CUX2: variants seen among roughly 807,000 people sequenced by gnomAD.
The protein encoded by CUX2 is homeobox protein cut-like 2.
In CUX2, 40 loss-of-function variants were observed where a neutral mutation model predicts 144.8. The observed-to-expected ratio is 0.28, with a 90% CI of 0.21 to 0.36. The LOEUF is 0.36. Among genes scored for constraint, CUX2 ranks in the 10% least tolerant of loss-of-function variants. The probability of loss-of-function intolerance (pLI) is 1.00; values close to 1 mark genes in which losing one functional copy is unlikely to be tolerated. For missense variants in CUX2, 1,615 were observed against 1,994.0 expected (o/e 0.81, Z 3.62); for synonymous variants, 827 against 875.6 (o/e 0.94, Z 0.98).
rs1878979442 is a variant in CUX2, at chr12:111,178,419, C to T, written c.64-35781C>T. On this transcript the variant is annotated intron_variant, in intron 1 of 21. Transcript: ENST00000261726. This position sits in a 1 kb window ranked among gnomAD's most constrained non-coding sequence, Gnocchi z 5.7. Reference sequence around the variant, plus strand: ...TTGCTGTCACGTTGACAAGTCCAGCCCTCTGACTGGGTTCATCCTTGTTCC... The same window carrying T: ...TTGCTGTCACGTTGACAAGTCCAGCTCTCTGACTGGGTTCATCCTTGTTCC... Among the ~76,000 whole-genome samples the T allele has an allele frequency of 6.6e-6, 1 of 152,186 alleles. No individual in the cohort carries two copies. Among genetic ancestry groups the T allele is most frequent in the African/African-American group, 2.4e-5 (1 of 41,436 alleles).
intron 1 of CUX2, among the ~76,000 whole-genome samples, chr12:111,088,395 C>T (rs545110803): frequency 6.6e-6 from 1 of 152,088 alleles, no homozygotes; most frequent in South Asian, 2.1e-4. Flanking sequence ...CGCCCAGCCT[C>T]TCTGTATTCT....
chr12:111,099,424 T>A (rs1873059249), intron 1 of CUX2: 3 of 398,502 alleles, frequency 7.5e-6, no homozygotes, highest in South Asian at 5.5e-5. Context: ...TGGTTTCTCT[T>A]CTTCCTTCAT....
intron 3 of CUX2, among the ~76,000 whole-genome samples, chr12:111,251,515 C>T (rs1371827813): frequency 6.6e-6 from 1 of 152,164 alleles, no homozygotes; most frequent in East Asian, 1.9e-4. Flanking sequence ...TGGGACATTT[C>T]ATTTTTGCAC....
At chr12:111,292,374 A>C (rs903426998) in intron 5 of CUX2, among the ~76,000 whole-genome samples, 36 of 151,622 alleles carry the variant, frequency 2.4e-4, no homozygotes, top group African/African-American at 8.7e-4. Context: ...GGTGGATCAC[A>C]AGGTCAGGAG....
At chr12:111,195,777 G>A (rs2136200951) in intron 1 of CUX2, among the ~76,000 whole-genome samples, 1 of 152,312 alleles carries the variant, frequency 6.6e-6, no homozygotes, top group Admixed American at 6.5e-5. Context: ...CTCAAAGCCA[G>A]CACAAGCCTT....
intron 1 of CUX2, among the ~76,000 whole-genome samples, chr12:111,176,887 C>T (rs527740853): frequency 4.6e-5 from 7 of 152,326 alleles, no homozygotes; most frequent in South Asian, 4.1e-4. Flanking sequence ...TTCTCAACCT[C>T]GCACATGAAG....
At chr12:111,094,756 C>T (rs1376596592) in intron 1 of CUX2, among the ~76,000 whole-genome samples, 1 of 152,182 alleles carries the variant, frequency 6.6e-6, no homozygotes, top group Non-Finnish European at 1.5e-5. Flanking sequence ...TCTCAGCCTC[C>T]CAAACTGCTG....
rs916537740 is a variant in CUX2, at chr12:111,307,912, G to A, written c.1110-373G>A. 1.4e-4 allele frequency among the ~76,000 whole-genome samples: 22 copies of A among 151,848 alleles called. No homozygotes were observed. Among genetic ancestry groups the A allele is most frequent in the African/African-American group, 4.8e-4 (20 of 41,326 alleles). ...GCAGGAGAATCGCTTGAACCTGGGA[G>A]GCAGAGATCGTGCCACTGCACTCCA... On this transcript the variant is annotated intron_variant, in intron 12 of 21. Coordinates refer to ENST00000261726, the MANE Select transcript of CUX2 (RefSeq NM_015267.4). The surrounding 1 kb of genome is among the most constrained non-coding windows in gnomAD (Gnocchi z 4.1).
chr12:111,245,151 AT>A (rs1041027353), intron 3 of CUX2, among the ~76,000 whole-genome samples: 1 of 152,088 alleles, frequency 6.6e-6, no homozygotes, highest in African/African-American at 2.4e-5. Flanking sequence ...TGTTCTTGGT[AT>A]TTTTTTCCCT....
intron 1 of CUX2, among the ~76,000 whole-genome samples, chr12:111,116,989 T>C (rs532462272): frequency 6.6e-6 from 1 of 152,324 alleles, no homozygotes; most frequent in Non-Finnish European, 1.5e-5. Context: ...ATGTAAATCA[T>C]TAGACAGCTA....
chr12:111,145,801 G>A (rs1477549839), intron 1 of CUX2, among the ~76,000 whole-genome samples: 1 of 152,096 alleles, frequency 6.6e-6, no homozygotes, highest in Non-Finnish European at 1.5e-5. Flanking sequence ...CGAGTAGCTG[G>A]GATTACAGCC....
intron 1 of CUX2, among the ~76,000 whole-genome samples, chr12:111,103,613 C>T (rs1017522428): frequency 3.9e-5 from 6 of 152,216 alleles, no homozygotes; most frequent in Admixed American, 1.3e-4. Context: ...CTCAAATAGA[C>T]TTTTCAGGGA....
intron 1 of CUX2, among the ~76,000 whole-genome samples, chr12:111,168,247 T>C (rs1878282124): frequency 6.6e-6 from 1 of 152,258 alleles, no homozygotes; most frequent in Admixed American, 6.5e-5. Flanking sequence ...TGTTCACACA[T>C]CCTTGATGAA....
At position 111,293,967 on chromosome 12, in the gene CUX2, G is replaced by A. The variant is rs1038105258; in HGVS notation, c.560+398G>A. On this transcript the variant is annotated intron_variant, in intron 6 of 21. Coordinates refer to ENST00000261726, the MANE Select transcript of CUX2 (RefSeq NM_015267.4). This position sits in a 1 kb window ranked among gnomAD's most constrained non-coding sequence, Gnocchi z 4.5. ...AATTGGTAGAGCAGGAGTTGGTGCTGCAATCTTTTTAAATTTTATTTTACA... is the reference window on the plus strand; with the variant it reads ...AATTGGTAGAGCAGGAGTTGGTGCTACAATCTTTTTAAATTTTATTTTACA... 6.6e-6 allele frequency among the ~76,000 whole-genome samples: 1 copy of A among 152,244 alleles called. No homozygotes were observed. The highest frequency in any genetic ancestry group is 2.4e-5 in the African/African-American group (1 of 41,450).
chr12:111,323,827 C>T (rs1053155589), intron 18 of CUX2, among the ~76,000 whole-genome samples: 5 of 152,138 alleles, frequency 3.3e-5, no homozygotes, highest in African/African-American at 1.2e-4. Flanking sequence ...GAGGTGAAGG[C>T]AGGAGGATCT....
intron 1 of CUX2, among the ~76,000 whole-genome samples, chr12:111,079,887 C>T (rs1475156382): frequency 1.3e-5 from 2 of 152,182 alleles, no homozygotes; most frequent in African/African-American, 4.8e-5. Flanking sequence ...CCACAATCAT[C>T]TTAATCCAGG....
chr12:111,216,220 G>A (rs1230667757), intron 2 of CUX2, among the ~76,000 whole-genome samples: 1 of 152,162 alleles, frequency 6.6e-6, no homozygotes, highest in African/African-American at 2.4e-5. Flanking sequence ...GGCCTGTTTG[G>A]GGAGTCCAGT....
intron 3 of CUX2, among the ~76,000 whole-genome samples, chr12:111,236,709 T>C (rs1882767917): frequency 6.6e-6 from 1 of 152,096 alleles, no homozygotes; most frequent in Admixed American, 6.5e-5. Flanking sequence ...CGAGAGGCAA[T>C]AGGAATTTTA....
intron 3 of CUX2, among the ~76,000 whole-genome samples, chr12:111,222,380 C>G (rs1204308652): frequency 6.6e-6 from 1 of 152,138 alleles, no homozygotes; most frequent in Non-Finnish European, 1.5e-5. Context: ...GTGCACTGTC[C>G]CAGCTTGAAA....
Sources: allele counts gnomAD v4.1 joint callset (sites outside exome capture counted in the v4.1 genomes callset), GRCh38; gene constraint gnomAD v4.1.1; non-coding constraint Gnocchi (gnomAD v3.1); transcripts MANE v1.5; gene names NCBI Gene and HGNC (gene_info 2026-07-23, HGNC 2026-07-21).